The following TNR variants were observed in gnomAD, a reference collection of about 807,000 sequenced individuals.
TNR encodes the protein tenascin-R.
A neutral mutation model predicts 150.4 loss-of-function variants in TNR; 45 were observed. The ratio of observed to expected loss-of-function variants is 0.30; its 90% CI spans 0.24 to 0.38. The LOEUF is 0.38. Ranked by LOEUF, TNR falls within the 10% of genes least tolerant of loss-of-function variation. The pLI is 1.00. For synonymous variants in TNR, 687 were observed against 678.4 expected (o/e 1.01, Z -0.20); for missense variants, 1,544 against 1,759.1 (o/e 0.88, Z 2.19).
At chr1:175,652,246 C>T (rs899500262) in intron 1 of TNR, among the ~76,000 whole-genome samples, 4 of 149,852 alleles carry the variant, frequency 2.7e-5, no homozygotes, top group Middle Eastern at 3.2e-3. Flanking sequence ...TTTGTCACCT[C>T]GAGTTGAGAA....
At chr1:175,365,757 C>T in intron 11 of TNR, 118 bp downstream of exon 11, 2 of 1,429,668 alleles carry the variant, frequency 1.4e-6, no homozygotes, top group Non-Finnish European at 1.9e-6. Flanking sequence ...CCTTTTCTAC[C>T]CACCTCTCTT....
intron 2 of TNR, among the ~76,000 whole-genome samples, chr1:175,460,283 C>T (rs147532086): frequency 3.3e-4 from 51 of 152,262 alleles, no homozygotes; most frequent in Middle Eastern, 6.8e-3. Flanking sequence ...GAAGGTCTTG[C>T]TCTCTGCTAC....
chr1:175,709,383 C>T (rs1051452856), intron 1 of TNR, among the ~76,000 whole-genome samples: 3 of 151,812 alleles, frequency 2.0e-5, no homozygotes, highest in African/African-American at 7.3e-5. Flanking sequence ...ATTCAAAATG[C>T]TGTCTAGGGC....
intron 1 of TNR, among the ~76,000 whole-genome samples, chr1:175,680,625 G>C (rs1287327990): frequency 6.6e-6 from 1 of 152,106 alleles, no homozygotes. Flanking sequence ...AAATGCAAGA[G>C]AGACAGAGAC....
intron 2 of TNR, among the ~76,000 whole-genome samples, chr1:175,417,071 G>GAAAGAAAGAAAGAAAGAAAGAAAGAAAT (rs1654523712): frequency 8.4e-6 from 1 of 119,694 alleles, no homozygotes; most frequent in African/African-American, 2.6e-5. Context: ...AAGAAAGAAA[G>GAAAGAAAGAAAGAAAGAAAGAAAGAAAT]AAAGAAATCT....
Position 175,573,306 on chromosome 1 carries a change from A to G in TNR, c.-164-44937T>C, listed in dbSNP as rs965107803. ...CTGCCCTTGCTAGGGTTGTGAGCCC[A>G]CCCTCCCTCAGAGCCCTGCGGCTTT... On this transcript the variant is annotated intron_variant, in intron 1 of 22. Transcript: ENST00000367674. 5.3e-5 allele frequency among the ~76,000 whole-genome samples: 8 copies of G among 152,220 alleles called. No individual in the cohort carries two copies. The South Asian group carries it at 1.5e-3, about 28-fold the overall frequency.
chr1:175,630,220 A>G (rs1664283516), intron 1 of TNR, among the ~76,000 whole-genome samples: 1 of 152,344 alleles, frequency 6.6e-6, no homozygotes, highest in Non-Finnish European at 1.5e-5. Flanking sequence ...AGATCTGAAG[A>G]GTAGCAAGGT....
intron 2 of TNR, among the ~76,000 whole-genome samples, chr1:175,505,441 A>T (rs1658923521): frequency 6.6e-6 from 1 of 152,188 alleles, no homozygotes; most frequent in East Asian, 1.9e-4. Context: ...TTCCCCGGGG[A>T]CGCAGGGGCT....
chr1:175,491,230 G>C (rs192469104), intron 2 of TNR, among the ~76,000 whole-genome samples: 1 of 152,114 alleles, frequency 6.6e-6, no homozygotes, highest in South Asian at 2.1e-4. Context: ...GGGGAGCTTG[G>C]GGGAGGGAGA....
chr1:175,677,460 C>T (rs145993939), intron 1 of TNR, among the ~76,000 whole-genome samples: 102 of 152,342 alleles, frequency 6.7e-4, no homozygotes, highest in East Asian at 2.5e-3. Context: ...AAGTCATCCT[C>T]ACGAGGGACT....
chr1:175,741,123 T>A (rs148684448), intron 1 of TNR, among the ~76,000 whole-genome samples: 17 of 152,328 alleles, frequency 1.1e-4, no homozygotes, highest in African/African-American at 4.1e-4. Flanking sequence ...CACACTGAGT[T>A]CCCTAAAAGG....
chr1:175,687,990 C>T (rs756294295), intron 1 of TNR, among the ~76,000 whole-genome samples: 6 of 152,234 alleles, frequency 3.9e-5, no homozygotes, highest in Non-Finnish European at 7.3e-5. Context: ...CTAATTGCTG[C>T]TGTGACATAA....
At chr1:175,546,460 G>A (rs773805055) in intron 1 of TNR, among the ~76,000 whole-genome samples, 1 of 152,196 alleles carries the variant, frequency 6.6e-6, no homozygotes, top group Non-Finnish European at 1.5e-5. Flanking sequence ...TCTGTCCACT[G>A]TTTCTTTGTG....
At chr1:175,379,793 G>C in intron 8 of TNR, 56 bp from the exon 9 acceptor site, 1 of 1,571,794 alleles carries the variant, frequency 6.4e-7, no homozygotes, top group Admixed American at 1.7e-5. Context: ...GTACATTTGT[G>C]GTGCATCTTG....
At chr1:175,609,805 T>C (rs1663534267) in intron 1 of TNR, among the ~76,000 whole-genome samples, 1 of 152,148 alleles carries the variant, frequency 6.6e-6, no homozygotes, top group Admixed American at 6.5e-5. Context: ...TCAAACTACA[T>C]AGGAAGCCAA....
intron 1 of TNR, among the ~76,000 whole-genome samples, chr1:175,724,696 C>A (rs897468544): frequency 3.9e-5 from 6 of 152,122 alleles, no homozygotes; most frequent in African/African-American, 1.4e-4. Context: ...TTACATTTCA[C>A]AATTTAAAAC....
chr1:175,580,444 C>A (rs1248946533), intron 1 of TNR, among the ~76,000 whole-genome samples: 2 of 152,184 alleles, frequency 1.3e-5, no homozygotes, highest in Non-Finnish European at 2.9e-5. Context: ...TCATTCAAAG[C>A]AATGCCTTTG....
At chr1:175,411,825 C>T (rs371562622) in intron 2 of TNR, among the ~76,000 whole-genome samples, 58 of 152,200 alleles carry the variant, frequency 3.8e-4, no homozygotes, top group African/African-American at 1.2e-3. Context: ...GACTTCAACA[C>T]GTCTTCTTTG....
At position 175,386,212 on chromosome 1, in the gene TNR, A is replaced by G; in HGVS notation, c.1597T>C (p.Phe533Leu). The change falls in exon 8 of 23, where the codon TTC (phenylalanine) becomes CTC (leucine). Residue 533 changes from phenylalanine (F) to leucine (L), a missense_variant. Phe to Leu is a conservative substitution (Grantham distance 22). Coordinates refer to ENST00000367674, the MANE Select transcript of TNR (RefSeq NM_003285.3). ...ACCAGGCCATATTTCAAAAGAATGA[A>G]ATCGACTTTGGCTCGAGGGGGAATC... The part of the protein sequence containing the change: ...EWIPPRAKVD[F>L]ILLKYGLVGG... 6.2e-7 allele frequency: 1 copy of G among 1,611,430 alleles called. No individual in the cohort carries two copies. The highest frequency in any genetic ancestry group is 8.5e-7 in the Non-Finnish European group (1 of 1,177,958).
Sources: gnomAD v4.1 joint callset for allele counts (sites outside exome capture counted in the v4.1 genomes callset) on GRCh38, gnomAD v4.1.1 for gene constraint, MANE v1.5 for transcripts, NCBI Gene and HGNC (gene_info 2026-07-23, HGNC 2026-07-21) for gene names.